The following LASP1 variants were observed in gnomAD, a reference collection of about 807,000 sequenced individuals.
LASP1 encodes LIM and SH3 domain protein 1.
In LASP1, 10 loss-of-function variants were observed where a neutral mutation model predicts 38.6. That is an observed-to-expected ratio of 0.26 (90% CI 0.16 to 0.44). The LOEUF is 0.44. LASP1 is among the 20% of genes least tolerant of loss of function. The pLI, the probability that LASP1 is intolerant of heterozygous loss-of-function variation, is 1.00. For missense variants in LASP1, 243 were observed against 375.7 expected (o/e 0.65, Z 2.92); for synonymous variants, 132 against 140.8 (o/e 0.94, Z 0.44).
At chr17:38,907,908 C>T (rs11079065) in intron 4 of LASP1, among the ~76,000 whole-genome samples, 25,829 of 152,120 alleles carry the variant, frequency 0.17, 2,667 homozygotes, top group Non-Finnish European at 0.23. Flanking sequence ...GTACCATGGC[C>T]TTATTTACAG....
At chr17:38,904,216 A>T (rs893362632) in intron 4 of LASP1, among the ~76,000 whole-genome samples, 1 of 152,204 alleles carries the variant, frequency 6.6e-6, no homozygotes, top group Non-Finnish European at 1.5e-5. Flanking sequence ...AGTACTTATC[A>T]TATCTTTATT....
chr17:38,875,796 G>A lies in LASP1; in HGVS notation c.70-2290G>A, dbSNP rs576291050. 2.0e-3 allele frequency among the ~76,000 whole-genome samples: 300 copies of A among 152,242 alleles called. 1 individual carries two copies. The highest frequency in any genetic ancestry group is 0.014 in the Middle Eastern group (4 of 294). ...GTGTCTCAGAAGCACCTCTCCCTCCGGGGGTTTGGAGACAACATTTTGAAA... is the reference window on the plus strand; with the variant it reads ...GTGTCTCAGAAGCACCTCTCCCTCCAGGGGTTTGGAGACAACATTTTGAAA... On this transcript the variant is annotated intron_variant, in intron 1 of 6. Coordinates refer to ENST00000318008, the MANE Select transcript of LASP1 (RefSeq NM_006148.4).
At chr17:38,914,713 C>T (rs972383163) in intron 5 of LASP1, among the ~76,000 whole-genome samples, 2 of 143,150 alleles carry the variant, frequency 1.4e-5, no homozygotes, top group Admixed American at 6.8e-5. Context: ...CACACACACA[C>T]ATGCACGCAC....
In LASP1 at chr17:38,915,038, TC is replaced by T; in HGVS notation, c.509-3del. On this transcript the variant is annotated splice_region_variant and splice_polypyrimidine_tract_variant and intron_variant, in intron 5 of 6. Coordinates refer to ENST00000318008, the MANE Select transcript of LASP1 (RefSeq NM_006148.4). The stretch of plus-strand genomic sequence containing the variant: ...TTCCAAGCCCTGTCTCCTCCCATCT[TC>T]CAGTTTACCAGCAGCCCCAGCAGCA... The T allele has an allele frequency of 1.2e-6, 2 of 1,613,658 alleles. No individual in the cohort carries two copies. The highest frequency in any genetic ancestry group is 1.7e-6 in the Non-Finnish European group (2 of 1,179,812).
intron 2 of LASP1, among the ~76,000 whole-genome samples, chr17:38,889,424 C>G (rs940937525): frequency 6.6e-6 from 1 of 152,174 alleles, no homozygotes; most frequent in Admixed American, 6.5e-5. Flanking sequence ...GCCACTGCGC[C>G]CGGCCTAATT....
intron 2 of LASP1, among the ~76,000 whole-genome samples, chr17:38,886,851 G>A (rs909931073): frequency 1.3e-5 from 2 of 152,178 alleles, no homozygotes; most frequent in African/African-American, 2.4e-5. Flanking sequence ...GGTGGGGCAC[G>A]TCAGGTGCAC....
intron 1 of LASP1, among the ~76,000 whole-genome samples, chr17:38,872,022 G>T (rs1010261041): frequency 6.0e-4 from 92 of 152,240 alleles, no homozygotes; most frequent in African/African-American, 2.1e-3. Flanking sequence ...GAATTGGGAA[G>T]AGGCAGTGGG....
intron 4 of LASP1, among the ~76,000 whole-genome samples, chr17:38,905,587 A>G (rs1163129603): frequency 6.6e-6 from 1 of 150,582 alleles, no homozygotes; most frequent in Non-Finnish European, 1.5e-5. Context: ...ATGCGGAACT[A>G]TTTTCCAAGT....
At chr17:38,895,984 G>A (rs975946176) in intron 3 of LASP1, among the ~76,000 whole-genome samples, 3 of 152,240 alleles carry the variant, frequency 2.0e-5, no homozygotes, top group South Asian at 2.1e-4. Context: ...TGACCGAAGC[G>A]CTGAGTTGCA....
intron 3 of LASP1, among the ~76,000 whole-genome samples, chr17:38,894,935 G>A (rs183974225): frequency 1.7e-4 from 26 of 151,932 alleles, no homozygotes; most frequent in Admixed American, 1.4e-3. Flanking sequence ...ACAGGGTTTC[G>A]TCATGTTGCC....
In LASP1 at chr17:38,918,139, CAAAAAAA is replaced by C. The variant is rs71352324; in HGVS notation, c.613-455_613-449del. Among the ~76,000 whole-genome samples the C allele has an allele frequency of 1.1e-5, 1 of 95,050 alleles. No individual in the cohort carries two copies. Among genetic ancestry groups the C allele is most frequent in the Non-Finnish European group, 2.2e-5 (1 of 45,352 alleles). The allele number at this position is 95,050 out of a possible 152,430, so 62.4% of individuals were successfully genotyped here. ...TGGGTGACAAAGCAAGACTCCATCTCAAAAAAAAAAAAAAAAAGAGGGAGTTGGGGGG... is the reference window on the plus strand; with the variant it reads ...TGGGTGACAAAGCAAGACTCCATCTCAAAAAAAAAAGAGGGAGTTGGGGGG... On this transcript the variant is annotated intron_variant, in intron 6 of 6. Transcript: ENST00000318008. The surrounding 1 kb of genome is among the most constrained non-coding windows in gnomAD (Gnocchi z 4.4).
chr17:38,886,154 C>T (rs991081804), intron 2 of LASP1, among the ~76,000 whole-genome samples: 22 of 152,010 alleles, frequency 1.4e-4, no homozygotes, highest in Middle Eastern at 3.4e-3. Context: ...CTCTCTGTCT[C>T]GCTCTCGCTC....
intron 4 of LASP1, among the ~76,000 whole-genome samples, chr17:38,902,302 C>G (rs1914662299): frequency 6.6e-6 from 1 of 151,304 alleles, no homozygotes; most frequent in South Asian, 2.1e-4. Context: ...TTCAAGTTAT[C>G]CTCCCGCCTC....
chr17:38,905,283 C>T (rs557928548), intron 4 of LASP1, among the ~76,000 whole-genome samples: 2 of 152,242 alleles, frequency 1.3e-5, no homozygotes, highest in South Asian at 4.1e-4. Flanking sequence ...AATCCCAGCA[C>T]TTTGGGAGAC....
chr17:38,900,057 G>A (rs1423476134), intron 4 of LASP1, among the ~76,000 whole-genome samples: 1 of 151,686 alleles, frequency 6.6e-6, no homozygotes, highest in Non-Finnish European at 1.5e-5. Context: ...AAAGATGCTG[G>A]TTGCAGGCCC....
chr17:38,902,142 G>T (rs1376521632), intron 4 of LASP1, among the ~76,000 whole-genome samples: 2 of 151,936 alleles, frequency 1.3e-5, no homozygotes, highest in African/African-American at 4.8e-5. Flanking sequence ...GCTCAGTGCA[G>T]CCTGAATCTT....
At chr17:38,876,141 C>G (rs1234574692) in intron 1 of LASP1, among the ~76,000 whole-genome samples, 1 of 151,564 alleles carries the variant, frequency 6.6e-6, no homozygotes, top group Non-Finnish European at 1.5e-5. Context: ...AAAGACCCCT[C>G]CAGGCTGCCA....
At chr17:38,900,602 GGCAGAGGTT>G (rs1335318645) in intron 4 of LASP1, among the ~76,000 whole-genome samples, 2 of 152,138 alleles carry the variant, frequency 1.3e-5, no homozygotes, top group Non-Finnish European at 2.9e-5. Context: ...GAACTCGGGA[GGCAGAGGTT>G]GCAGTGAGTC....
intron 4 of LASP1, among the ~76,000 whole-genome samples, chr17:38,902,501 C>T (rs976317809): frequency 1.1e-4 from 17 of 151,814 alleles, no homozygotes; most frequent in Middle Eastern, 3.4e-3. Context: ...TGAGCCACTG[C>T]GCCTGGGAGC....
Sources: allele counts gnomAD v4.1 joint callset (sites outside exome capture counted in the v4.1 genomes callset), GRCh38; gene constraint gnomAD v4.1.1; non-coding constraint Gnocchi (gnomAD v3.1); transcripts MANE v1.5; gene names NCBI Gene and HGNC (gene_info 2026-07-23, HGNC 2026-07-21).